Variants in CREB3L2 observed in about 807,000 individuals in gnomAD.
CREB3L2 encodes cyclic AMP-responsive element-binding protein 3-like protein 2.
A neutral mutation model predicts 57.2 loss-of-function variants in CREB3L2; 23 were observed. The ratio of observed to expected loss-of-function variants is 0.40; its 90% CI spans 0.29 to 0.57. CREB3L2 has a LOEUF of 0.57. CREB3L2 is among the 20% of genes least tolerant of loss of function. The pLI is 0.42. For missense variants in CREB3L2, 628 were observed against 634.7 expected (o/e 0.99, Z 0.11); for synonymous variants, 268 against 265.1 (o/e 1.01, Z -0.11).
At chr7:137,901,274 T>A in intron 8 of CREB3L2, 80 bp downstream of exon 8, 1 of 945,460 alleles carries the variant, frequency 1.1e-6, no homozygotes, top group South Asian at 1.4e-5. Flanking sequence ...TTTTCTGCCA[T>A]CCCTGGTTCT....
chr7:137,927,403 GA>G (rs1263661345), intron 2 of CREB3L2, among the ~76,000 whole-genome samples: 31 of 128,816 alleles, frequency 2.4e-4, no homozygotes, highest in African/African-American at 1.1e-3. Context: ...AGGAGGGAAG[GA>G]AGGGAAGGGA....
At chr7:137,960,805 A>ATTTTTTT (rs1338965683) in intron 1 of CREB3L2, among the ~76,000 whole-genome samples, 3 of 81,942 alleles carry the variant, frequency 3.7e-5, no homozygotes, top group African/African-American at 5.3e-5. Flanking sequence ...AAACTAAATT[A>ATTTTTTT]TTTCTTTTTT....
intron 1 of CREB3L2, among the ~76,000 whole-genome samples, chr7:137,935,543 C>T (rs1224499624): frequency 6.6e-6 from 1 of 152,094 alleles, no homozygotes; most frequent in Non-Finnish European, 1.5e-5. Flanking sequence ...CTTTCATTGC[C>T]AAGTTACTTA....
At chr7:137,973,369 C>T (rs1033117285) in intron 1 of CREB3L2, among the ~76,000 whole-genome samples, 2 of 152,102 alleles carry the variant, frequency 1.3e-5, no homozygotes, top group Non-Finnish European at 2.9e-5. Flanking sequence ...TAAATAGGTT[C>T]AGTACCGCAC....
At chr7:137,883,080 C>T (rs1799333286) in intron 10 of CREB3L2, among the ~76,000 whole-genome samples, 1 of 152,162 alleles carries the variant, frequency 6.6e-6, no homozygotes, top group African/African-American at 2.4e-5. Context: ...GACACAAAGC[C>T]AAAGCCATAA....
chr7:137,951,166 A>G (rs1443847498), intron 1 of CREB3L2, among the ~76,000 whole-genome samples: 1 of 152,076 alleles, frequency 6.6e-6, no homozygotes, highest in Non-Finnish European at 1.5e-5. Context: ...CATGTTTTTC[A>G]TATCTTTGTG....
At chr7:137,987,783 AG>A (rs1801816861) in intron 1 of CREB3L2, among the ~76,000 whole-genome samples, 1 of 152,218 alleles carries the variant, frequency 6.6e-6, no homozygotes. Flanking sequence ...TCCTGGGCTC[AG>A]GCGATCCTCC....
intron 8 of CREB3L2, among the ~76,000 whole-genome samples, chr7:137,897,331 C>G (rs753365314): frequency 6.6e-6 from 1 of 152,310 alleles, no homozygotes; most frequent in Admixed American, 6.5e-5. Context: ...TAACAGCAGA[C>G]TGTCAGGGAA....
chr7:137,958,881 T>G (rs1318737807), intron 1 of CREB3L2, among the ~76,000 whole-genome samples: 1 of 152,232 alleles, frequency 6.6e-6, no homozygotes, highest in Non-Finnish European at 1.5e-5. Flanking sequence ...GGATCAATCC[T>G]CTGGCGCCAA....
intron 5 of CREB3L2, among the ~76,000 whole-genome samples, chr7:137,907,110 T>C (rs1241480845): frequency 6.6e-6 from 1 of 152,138 alleles, no homozygotes; most frequent in Admixed American, 6.5e-5. Context: ...ATGATTTACA[T>C]AAGAGAGAGG....
At chr7:137,913,522 GA>G (rs1476594886) in intron 3 of CREB3L2, among the ~76,000 whole-genome samples, 2 of 129,706 alleles carry the variant, frequency 1.5e-5, no homozygotes, top group Non-Finnish European at 3.3e-5. Context: ...AAAAAAAAAA[GA>G]AAAAAGAAAA....
chr7:137,941,140 C>T (rs1800874513), intron 1 of CREB3L2, among the ~76,000 whole-genome samples: 1 of 152,204 alleles, frequency 6.6e-6, no homozygotes, highest in Non-Finnish European at 1.5e-5. Context: ...GGACAGAAGG[C>T]ATATAGTCTA....
chr7:137,890,705 C>T (rs781618498), intron 8 of CREB3L2, among the ~76,000 whole-genome samples: 1 of 152,144 alleles, frequency 6.6e-6, no homozygotes, highest in Non-Finnish European at 1.5e-5. Flanking sequence ...TATGGGAAAG[C>T]CTGTGACCTC....
chr7:137,961,293 C>A (rs903175083), intron 1 of CREB3L2, among the ~76,000 whole-genome samples: 10 of 152,148 alleles, frequency 6.6e-5, no homozygotes. Flanking sequence ...TGCAGTCAAG[C>A]CAGCATATAA....
At chr7:137,938,605 A>G (rs532922251) in intron 1 of CREB3L2, among the ~76,000 whole-genome samples, 1 of 152,204 alleles carries the variant, frequency 6.6e-6, no homozygotes, top group African/African-American at 2.4e-5. Flanking sequence ...CGGCTTCCCA[A>G]AGTGCTGGGA....
rs762706707 is a variant in CREB3L2, at chr7:137,882,580, T to C, written c.1319A>G (p.Glu440Gly). ...CCCAGCCGAGCCCGGGCTGGATGAC[T>C]CCTCTGGGGGAGAATGTTCCTCGTA... ...LIYEEHSPPEESSSPGSAGEL... is the reference protein window; with the variant it reads ...LIYEEHSPPEGSSSPGSAGEL... Residue 440 changes from glutamate (E) to glycine (G), a missense_variant, in exon 11 of 12, where the codon GAG (glutamate) becomes GGG (glycine). By Grantham distance (98) the Glu-to-Gly change is moderately conservative. Coordinates refer to ENST00000330387, the MANE Select transcript of CREB3L2 (RefSeq NM_194071.4). 1.2e-6 allele frequency: 2 copies of C among 1,613,046 alleles called. No homozygotes were observed. Among genetic ancestry groups the C allele is most frequent in the South Asian group, 1.1e-5 (1 of 90,986 alleles).
rs752879103 is a variant in CREB3L2 at position 137,915,980 on chromosome 7, T to C, written c.352A>G (p.Thr118Ala). 4.8e-5 allele frequency: 77 copies of C among 1,613,670 alleles called. No individual in the cohort carries two copies. The highest frequency in any genetic ancestry group is 6.4e-5 in the Non-Finnish European group (75 of 1,179,882). ...EVESEKWYLS[T>A]DFPSTSIKTE... ...TTGATGGATGTTGAAGGGAAGTCTG[T>C]AGACAGGTACCATTTCTCACTTTCC... is the stretch of plus-strand genomic sequence containing the variant. The change falls in exon 3 of 12, where the codon ACA becomes GCA. Residue 118 changes from threonine to alanine, a missense_variant. By Grantham distance (58) the Thr-to-Ala change is moderately conservative. Coordinates refer to ENST00000330387, the MANE Select transcript of CREB3L2 (RefSeq NM_194071.4).
chr7:137,977,124 C>T (rs1801622528), intron 1 of CREB3L2, among the ~76,000 whole-genome samples: 1 of 152,230 alleles, frequency 6.6e-6, no homozygotes, highest in Non-Finnish European at 1.5e-5. Context: ...CCTGCACCTC[C>T]CACCATCCTT....
At chr7:137,999,620 A>G (rs1447439017) in intron 1 of CREB3L2, 3 of 152,180 alleles carry the variant, frequency 2.0e-5, no homozygotes, top group Non-Finnish European at 4.4e-5. Context: ...AGAGTTCAGG[A>G]AACAGATGGG....
Sources: gnomAD v4.1 joint callset for allele counts (sites outside exome capture counted in the v4.1 genomes callset) on GRCh38, gnomAD v4.1.1 for gene constraint, MANE v1.5 for transcripts, NCBI Gene and HGNC (gene_info 2026-07-23, HGNC 2026-07-21) for gene names.